The following LAT variants were observed in gnomAD, a reference collection of about 807,000 sequenced individuals.
The protein encoded by LAT is linker for activation of T cells.
LAT carries 12 observed loss-of-function variants against 39.1 expected under a neutral mutation model. That is an observed-to-expected ratio of 0.31 (90% CI 0.20 to 0.50). LAT has a LOEUF of 0.50. Ranked by LOEUF, LAT falls within the 20% of genes least tolerant of loss-of-function variation. The pLI, the probability that LAT is intolerant of heterozygous loss-of-function variation, is 0.98. For missense variants in LAT, 253 were observed against 308.0 expected (o/e 0.82, Z 1.34); for synonymous variants, 117 against 123.8 (o/e 0.95, Z 0.36).
rs772826609 is a variant in LAT at position 28,986,707 on chromosome 16, G to A, written c.391G>A (p.Gly131Ser). The change falls in exon 7 of 12, where the codon GGC becomes AGC. Residue 131 changes from glycine (G) to serine (S), a missense_variant. Gly to Ser is a moderately conservative substitution (Grantham distance 56). Transcript: ENST00000395456. The surrounding 1 kb of genome is among the most constrained non-coding windows in gnomAD (Gnocchi z 5.7). ...GGATGAGGACGACTATCACAACCCA[G>A]GCTACCTGTGAGTGGCCAGGTGGGA... ...DEDEDDYHNP[G>S]YLVVLPDSTP... 1 of 1,612,976 alleles carries A rather than the reference G, an allele frequency of 6.2e-7. No individual in the cohort carries two copies. Among genetic ancestry groups the A allele is most frequent in the African/African-American group, 1.3e-5 (1 of 74,902 alleles).
At position 28,988,322 on chromosome 16, in the gene LAT, G is replaced by A. The variant is rs192694353; in HGVS notation, c.494-1205G>A. ...ACAGAGGAGAAAACTGAGGCACAGA[G>A]AGGTAAGGTCCCTTGGCTGAGGTTA... On this transcript the variant is annotated intron_variant, in intron 8 of 11. Coordinates refer to ENST00000395456, the MANE Select transcript of LAT (RefSeq NM_001014987.2). The A allele has an allele frequency of 2.1e-3, 316 of 152,648 alleles. 3 individuals are homozygous for A. The East Asian group carries it at 0.021, about 10-fold the overall frequency. 9.5% of individuals were successfully genotyped at this position (152,648 alleles called of 1,614,324 possible). A position where few individuals can be genotyped will look rare whatever the true frequency, so the allele number is the denominator to read the frequency against.
chr16:28,987,540 CT>C (rs1965786230), intron 8 of LAT: 1 of 152,716 alleles, frequency 6.5e-6, no homozygotes, highest in Non-Finnish European at 1.5e-5. Flanking sequence ...GTCACATCCT[CT>C]GGGCTTTCCT....
At chr16:28,988,222 G>A (rs1314439784) in intron 8 of LAT, 1 of 152,346 alleles carries the variant, frequency 6.6e-6, no homozygotes. Context: ...GCGCCCTCCT[G>A]TGCTCCAGTT....
chr16:28,985,042 G>T, upstream of LAT: 1 of 1,427,542 alleles, frequency 7.0e-7, no homozygotes, highest in Non-Finnish European at 9.1e-7. The surrounding 1 kb of genome is among the most constrained non-coding windows in gnomAD (Gnocchi z 4.6). Flanking sequence ...GCCCTCGCCC[G>T]GCGCTCACCA....
chr16:28,986,131 T>C lies in LAT; in HGVS notation c.164-4T>C. 1.9e-6 allele frequency: 3 copies of C among 1,591,016 alleles called. No homozygotes were observed. The highest frequency in any genetic ancestry group is 2.6e-6 in the Non-Finnish European group (3 of 1,169,132). ...CTTCTTTCAACTTGGTTCTGTGTCC[T>C]CAGACACGGTTGCCCCCTGGCCACC... On this transcript the variant is annotated splice_polypyrimidine_tract_variant and splice_region_variant and intron_variant, in intron 3 of 11. Transcript: ENST00000395456. The surrounding 1 kb of genome is among the most constrained non-coding windows in gnomAD (Gnocchi z 5.7).
At chr16:28,987,564 T>C (rs1965786803) in intron 8 of LAT, 2 of 152,486 alleles carry the variant, frequency 1.3e-5, no homozygotes, top group African/African-American at 4.8e-5. Flanking sequence ...ATGTCCGGGA[T>C]TCTTTAGTTT....
At position 28,985,149 on chromosome 16, in the gene LAT, C is replaced by G; in HGVS notation, c.-269C>G. 7.0e-7 allele frequency: 1 copy of G among 1,425,932 alleles called. No homozygotes were observed. The highest frequency in any genetic ancestry group is 9.1e-7 in the Non-Finnish European group (1 of 1,094,826). The allele number at this position is 1,425,932 out of a possible 1,614,324, so 88.3% of individuals were successfully genotyped here. On this transcript the variant is annotated 5_prime_UTR_variant, in exon 1 of 12. Transcript: ENST00000395456. This position sits in a 1 kb window ranked among gnomAD's most constrained non-coding sequence, Gnocchi z 4.6. ...GGGACGCAGGGGTAACTGGATCCCC[C>G]GACTTCAGCCCAGGCCCTGGTCTGA... is the stretch of plus-strand genomic sequence containing the variant.
chr16:28,990,593 C>A lies in LAT; in HGVS notation c.*412C>A, dbSNP rs1965847693. ...TGTGACACCCCCCTTCTGAATGAAGCCTTCTGACCTGGGCTGGCACTGCTG... is the reference window on the plus strand; with the variant it reads ...TGTGACACCCCCCTTCTGAATGAAGACTTCTGACCTGGGCTGGCACTGCTG... On this transcript the variant is annotated 3_prime_UTR_variant, in exon 12 of 12. Transcript: ENST00000395456. 1.2e-5 allele frequency: 3 copies of A among 243,310 alleles called. No homozygotes were observed. The South Asian group carries it at 1.3e-4, about 11-fold the overall frequency. 15.1% of individuals were successfully genotyped at this position (243,310 alleles called of 1,614,324 possible).
chr16:28,989,240 G>A (rs1422678724), intron 8 of LAT: 9 of 382,716 alleles, frequency 2.4e-5, no homozygotes, highest in Non-Finnish European at 3.3e-5. Context: ...GGGCTGTGCT[G>A]GGGCCTGACC....
At position 28,985,510 on chromosome 16, in the gene LAT, A is replaced by C; in HGVS notation, c.93A>C (p.Arg31Ser). ...MLMALCVHCHRLPGSYDSTSS... is the reference protein window; with the variant it reads ...MLMALCVHCHSLPGSYDSTSS... ...TGGCACTGTGTGTGCACTGCCACAG[A>C]CTGCCAGGTGAGTGGGAAACTGGTG... The change falls in exon 1 of 12, where the codon AGA (arginine) becomes AGC (serine). Residue 31 changes from arginine (R) to serine (S), a missense_variant. Coordinates refer to ENST00000395456, the MANE Select transcript of LAT (RefSeq NM_001014987.2). This position sits in a 1 kb window ranked among gnomAD's most constrained non-coding sequence, Gnocchi z 4.6. The C allele has an allele frequency of 6.2e-7, 1 of 1,613,548 alleles. No individual in the cohort carries two copies. Among genetic ancestry groups the C allele is most frequent in the Non-Finnish European group, 8.5e-7 (1 of 1,179,750 alleles).
In LAT at chr16:28,986,357, A is replaced by T. The variant is rs1567531102; in HGVS notation, c.246-25A>T. 6.2e-7 allele frequency: 1 copy of T among 1,612,858 alleles called. No individual in the cohort carries two copies. Among genetic ancestry groups the T allele is most frequent in the Admixed American group, 1.7e-5 (1 of 59,962 alleles). ...TTGCCCCCTGAGCCCCACCTCAGGC[A>T]TGACCCCTGACCTTTGACTCCCAGA... On this transcript the variant is annotated intron_variant, in intron 4 of 11. Coordinates refer to ENST00000395456, the MANE Select transcript of LAT (RefSeq NM_001014987.2). This position sits in a 1 kb window ranked among gnomAD's most constrained non-coding sequence, Gnocchi z 5.7.
chr16:28,986,837 C>T lies in LAT; in HGVS notation c.437C>T (p.Ala146Val). The change falls in exon 8 of 12, where the codon GCT becomes GTT. Residue 146 changes from alanine (A) to valine (V), a missense_variant. Transcript: ENST00000395456. This position sits in a 1 kb window ranked among gnomAD's most constrained non-coding sequence, Gnocchi z 5.7. ...LPDSTPATST[A>V]APSAPALSTP... is the part of the protein sequence containing the mutation. ...GACAGCACCCCGGCCACTAGCACTGCTGCCCCATCAGCTCCTGCACTCAGC... is the reference window on the plus strand; with the variant it reads ...GACAGCACCCCGGCCACTAGCACTGTTGCCCCATCAGCTCCTGCACTCAGC... 1.2e-6 allele frequency: 2 copies of T among 1,614,140 alleles called. No individual in the cohort carries two copies. Among genetic ancestry groups the T allele is most frequent in the Admixed American group, 1.7e-5 (1 of 60,012 alleles).
At position 28,986,265 on chromosome 16, in the gene LAT, T is replaced by C. The variant is rs1596767794; in HGVS notation, c.245+49T>C. ...CCCTCCAAAGCTCAGCCCCTCCCCC[T>C]CCAAACTCCACTCTCTACCCCTTCA... On this transcript the variant is annotated intron_variant, in intron 4 of 11. Coordinates refer to ENST00000395456, the MANE Select transcript of LAT (RefSeq NM_001014987.2). This position sits in a 1 kb window ranked among gnomAD's most constrained non-coding sequence, Gnocchi z 5.7. 6.6e-7 allele frequency: 1 copy of C among 1,523,114 alleles called. No individual in the cohort carries two copies. Among genetic ancestry groups the C allele is most frequent in the Non-Finnish European group, 8.9e-7 (1 of 1,119,786 alleles). 94.3% of individuals were successfully genotyped at this position (1,523,114 alleles called of 1,614,324 possible). A position where few individuals can be genotyped will look rare whatever the true frequency, so the allele number is the denominator to read the frequency against.
In LAT at chr16:28,985,576, C is replaced by T. The variant is rs1190681898; in HGVS notation, c.100+59C>T. The T allele has an allele frequency of 1.2e-6, 2 of 1,601,172 alleles. No homozygotes were observed. The highest frequency in any genetic ancestry group is 1.3e-5 in the African/African-American group (1 of 74,672). ...CAGGGACACCGACGGGATCCTCATC[C>T]ACTCCCAGCCCCTGTGTCTGTCCTG... On this transcript the variant is annotated intron_variant, in intron 1 of 11. Coordinates refer to ENST00000395456, the MANE Select transcript of LAT (RefSeq NM_001014987.2). The surrounding 1 kb of genome is among the most constrained non-coding windows in gnomAD (Gnocchi z 4.6).
chr16:28,989,879 T>C (rs1343235095), intron 10 of LAT, 40 bp downstream of exon 10: 4 of 1,613,824 alleles, frequency 2.5e-6, no homozygotes, highest in Non-Finnish European at 3.4e-6. Flanking sequence ...GGTAGCTGCT[T>C]TGGGCTTGGG....
rs373418202 is a variant in LAT, at chr16:28,986,828, C to T, written c.428C>T (p.Thr143Ile). Residue 143 changes from threonine (T) to isoleucine (I), a missense_variant, in exon 8 of 12, where the codon ACT (threonine) becomes ATT (isoleucine). Coordinates refer to ENST00000395456, the MANE Select transcript of LAT (RefSeq NM_001014987.2). This position sits in a 1 kb window ranked among gnomAD's most constrained non-coding sequence, Gnocchi z 5.7. ...LVVLPDSTPA[T>I]STAAPSAPAL... The stretch of plus-strand genomic sequence containing the variant: ...GTGCTTCCTGACAGCACCCCGGCCA[C>T]TAGCACTGCTGCCCCATCAGCTCCT... 2.5e-5 allele frequency: 40 copies of T among 1,614,036 alleles called. No individual in the cohort carries two copies. Among genetic ancestry groups the T allele is most frequent in the Middle Eastern group, 3.3e-4 (2 of 6,084 alleles).
intron 8 of LAT, 98 bp from the exon 9 acceptor site, chr16:28,989,429 G>T (rs1043585572): frequency 2.8e-6 from 3 of 1,068,670 alleles, no homozygotes; most frequent in African/African-American, 1.6e-5. Context: ...GGGGTCTACC[G>T]TTGGGGAGCT....
chr16:28,986,724 C>G lies in LAT; in HGVS notation c.398+10C>G. 3 of 1,611,714 alleles carry G rather than the reference C, an allele frequency of 1.9e-6. No homozygotes were observed. The highest frequency in any genetic ancestry group is 2.5e-6 in the Non-Finnish European group (3 of 1,178,518). On this transcript the variant is annotated intron_variant, in intron 7 of 11. Transcript: ENST00000395456. This position sits in a 1 kb window ranked among gnomAD's most constrained non-coding sequence, Gnocchi z 5.7. Reference sequence around the variant, plus strand: ...ACAACCCAGGCTACCTGTGAGTGGCCAGGTGGGAGGTGGGAGGTGAGGGCT... The same window carrying G: ...ACAACCCAGGCTACCTGTGAGTGGCGAGGTGGGAGGTGGGAGGTGAGGGCT...
upstream of LAT, chr16:28,984,904 T>C (rs41301797): frequency 0.013 from 20,135 of 1,547,960 alleles, 180 homozygotes; most frequent in Non-Finnish European, 0.016. Flanking sequence ...TGTCCCCGTC[T>C]TGGGGGGGGC....
Sources: allele counts gnomAD v4.1 joint callset, GRCh38; gene constraint gnomAD v4.1.1; non-coding constraint Gnocchi (gnomAD v3.1); transcripts MANE v1.5; gene names NCBI Gene and HGNC (gene_info 2026-07-23, HGNC 2026-07-21).